Variants in MED30 observed in about 807,000 individuals in gnomAD.
MED30 encodes mediator complex subunit 30.
MED30 carries 8 observed loss-of-function variants against 21.7 expected under a neutral mutation model. The observed-to-expected ratio is 0.37, with a 90% CI of 0.22 to 0.67. The LOEUF (loss-of-function observed/expected upper bound fraction) is 0.67. Ranked by LOEUF, MED30 falls within the 30% of genes least tolerant of loss-of-function variation. The probability of loss-of-function intolerance (pLI) is 0.58; values close to 1 mark genes in which losing one functional copy is unlikely to be tolerated. For synonymous variants in MED30, 79 were observed against 86.7 expected (o/e 0.91, Z 0.49); for missense variants, 203 against 228.2 (o/e 0.89, Z 0.71).
At chr8:117,523,121 C>T (rs934754306) in intron 1 of MED30, 44 of 573,090 alleles carry the variant, frequency 7.7e-5, no homozygotes, top group African/African-American at 6.4e-4. Flanking sequence ...TCATGTTCTA[C>T]GCAGAACTAA....
chr8:117,520,989 A>T lies in MED30; in HGVS notation c.113A>T (p.Gln38Leu). The change falls in exon 1 of 4, where the codon CAG (glutamine) becomes CTG (leucine). Residue 38 changes from glutamine (Q) to leucine (L), a missense_variant. Gln to Leu is a moderately radical substitution (Grantham distance 113, BLOSUM62 -2). Coordinates refer to ENST00000297347, the MANE Select transcript of MED30 (RefSeq NM_080651.4). ...VNTASLCRIG[Q>L]ETVQDIVYRT... The stretch of plus-strand genomic sequence containing the variant: ...ACGGCGTCGCTGTGCCGCATCGGGC[A>T]GGAGACAGTGCAGGACATCGTGTAC... 6.2e-7 allele frequency: 1 copy of T among 1,613,182 alleles called. No individual in the cohort carries two copies. The highest frequency in any genetic ancestry group is 1.7e-5 in the Admixed American group (1 of 59,986).
Position 117,530,804 on chromosome 8 carries a change from C to T in MED30, c.418C>T (p.Arg140Ter). The change falls in exon 3 of 4, where the codon CGA (arginine) becomes TGA (stop). Residue 140 changes from arginine to a stop codon, truncating the protein, a stop_gained. Transcript: ENST00000297347. LOFTEE classifies it high-confidence loss of function. ...GPPRFASEER[R>*]EIAEVNKKLK... ...ACCTCGTTTTGCTAGTGAAGAGAGGCGAGAAATTGCTGAAGTAAATAAAGT... is the reference window on the plus strand; with the variant it reads ...ACCTCGTTTTGCTAGTGAAGAGAGGTGAGAAATTGCTGAAGTAAATAAAGT... 3.7e-6 allele frequency: 6 copies of T among 1,609,184 alleles called. No individual in the cohort carries two copies. The highest frequency in any genetic ancestry group is 5.1e-6 in the Non-Finnish European group (6 of 1,177,024).
chr8:117,538,809 C>T (rs1213301500), intron 3 of MED30, among the ~76,000 whole-genome samples: 1 of 152,040 alleles, frequency 6.6e-6, no homozygotes, highest in Admixed American at 6.6e-5. Flanking sequence ...AGACACATGC[C>T]GTGCACATTT....
chr8:117,526,580 G>A (rs750821074), intron 1 of MED30, among the ~76,000 whole-genome samples: 21 of 151,978 alleles, frequency 1.4e-4, no homozygotes, highest in Admixed American at 2.6e-4. Flanking sequence ...ATACTCATGA[G>A]TGAGATGGTT....
intron 1 of MED30, among the ~76,000 whole-genome samples, chr8:117,528,289 G>A (rs1418499711): frequency 6.6e-6 from 1 of 150,456 alleles, no homozygotes; most frequent in African/African-American, 2.4e-5. Context: ...ACTGTACTTT[G>A]TTTTTAACTT....
chr8:117,528,496 T>C (rs766799563), intron 1 of MED30, among the ~76,000 whole-genome samples, 155 bp from the exon 2 acceptor site: 2 of 151,998 alleles, frequency 1.3e-5, no homozygotes, highest in Non-Finnish European at 2.9e-5. Context: ...CATGCATTGC[T>C]CTTAAATTCT....
intron 3 of MED30, among the ~76,000 whole-genome samples, chr8:117,537,695 G>A (rs946650716): frequency 1.3e-5 from 2 of 152,154 alleles, no homozygotes; most frequent in East Asian, 1.9e-4. Context: ...ATTCTTGAGA[G>A]TAGTCTTATT....
intron 2 of MED30, chr8:117,530,420 T>C (rs2130814408): frequency 5.8e-6 from 1 of 172,276 alleles, no homozygotes; most frequent in Non-Finnish European, 1.2e-5. Flanking sequence ...TTTTTTTAAA[T>C]TTTTATTTTA....
intron 1 of MED30, 131 bp from the exon 2 acceptor site, chr8:117,528,520 G>T: frequency 1.7e-6 from 1 of 605,238 alleles, no homozygotes; most frequent in African/African-American, 1.9e-5. Flanking sequence ...AATTAAACTT[G>T]ATCAGTTGTG....
In MED30 at chr8:117,539,887, T is replaced by G. The variant is rs753915120; in HGVS notation, c.446T>G (p.Leu149Arg). The change falls in exon 4 of 4, where the codon CTC becomes CGC. Residue 149 changes from leucine to arginine, a missense_variant. Coordinates refer to ENST00000297347, the MANE Select transcript of MED30 (RefSeq NM_080651.4). ...RREIAEVNKK[L>R]KQKNQQLKQI... Reference sequence around the variant, plus strand: ...TAAATTCTTTTGTTTCTACAGAAACTCAAACAGAAGAATCAACAGCTGAAA... The same window carrying G: ...TAAATTCTTTTGTTTCTACAGAAACGCAAACAGAAGAATCAACAGCTGAAA... 4.1e-5 allele frequency: 65 copies of G among 1,592,656 alleles called. No individual in the cohort carries two copies. The highest frequency in any genetic ancestry group is 5.2e-5 in the Non-Finnish European group (60 of 1,164,938).
chr8:117,531,682 C>T (rs1818793796), intron 3 of MED30, among the ~76,000 whole-genome samples: 1 of 151,532 alleles, frequency 6.6e-6, no homozygotes, highest in South Asian at 2.1e-4. Flanking sequence ...AAACTATTAG[C>T]AAGACAGTGT....
intron 3 of MED30, among the ~76,000 whole-genome samples, chr8:117,531,918 A>T (rs573114866): frequency 6.6e-6 from 1 of 152,150 alleles, no homozygotes; most frequent in East Asian, 1.9e-4. Context: ...AAGAAACTCA[A>T]CTGATGAACA....
At chr8:117,527,937 C>T (rs879858845) in intron 1 of MED30, among the ~76,000 whole-genome samples, 11 of 151,598 alleles carry the variant, frequency 7.3e-5, no homozygotes, top group South Asian at 2.1e-4. Context: ...AATAAATAGT[C>T]GATTTTTGTT....
At chr8:117,535,172 A>G (rs1818854434) in intron 3 of MED30, among the ~76,000 whole-genome samples, 1 of 151,664 alleles carries the variant, frequency 6.6e-6, no homozygotes, top group African/African-American at 2.4e-5. Context: ...CCATTCTAGA[A>G]TATAAGATTA....
intron 1 of MED30, among the ~76,000 whole-genome samples, chr8:117,525,208 T>A (rs969437569): frequency 6.6e-6 from 1 of 152,200 alleles, no homozygotes; most frequent in Non-Finnish European, 1.5e-5. Context: ...GGATCTTTGA[T>A]CACTTGATAG....
intron 1 of MED30, among the ~76,000 whole-genome samples, chr8:117,526,689 C>T (rs1214306768): frequency 6.6e-6 from 1 of 151,986 alleles, no homozygotes; most frequent in Non-Finnish European, 1.5e-5. Context: ...AACCTTGTCT[C>T]TCTGATGTTT....
chr8:117,531,065 CACTT>C, intron 3 of MED30, among the ~76,000 whole-genome samples: 1 of 152,142 alleles, frequency 6.6e-6, no homozygotes, highest in South Asian at 2.1e-4. Context: ...GCTCCTTAGA[CACTT>C]AGTCACAATC....
intron 1 of MED30, among the ~76,000 whole-genome samples, chr8:117,526,833 C>A (rs777190935): frequency 7.9e-5 from 12 of 151,940 alleles, no homozygotes; most frequent in Non-Finnish European, 1.8e-4. Flanking sequence ...TCTAAGTCAG[C>A]AAATTTGGGG....
At chr8:117,523,364 G>C (rs1012934539) in intron 1 of MED30, 69 of 1,531,488 alleles carry the variant, frequency 4.5e-5, no homozygotes, top group Non-Finnish European at 6.0e-5. Flanking sequence ...GCACCAGGGG[G>C]CACAGCACTC....
Sources: allele counts gnomAD v4.1 joint callset (sites outside exome capture counted in the v4.1 genomes callset), GRCh38; gene constraint gnomAD v4.1.1; transcripts MANE v1.5; gene names NCBI Gene and HGNC (gene_info 2026-07-23, HGNC 2026-07-21).